QRICH2: variants seen among roughly 807,000 people sequenced by gnomAD.
QRICH2 encodes the protein glutamine-rich protein 2.
A neutral mutation model predicts 168.3 loss-of-function variants in QRICH2; 119 were observed. That is an observed-to-expected ratio of 0.71 (90% confidence interval 0.61 to 0.82). The LOEUF is 0.82. QRICH2 is among the 40% of genes least tolerant of loss of function. QRICH2 has a pLI of 0.00. For synonymous variants in QRICH2, 894 were observed against 951.2 expected (o/e 0.94, Z 1.11); for missense variants, 2,241 against 2,491.6 (o/e 0.90, Z 2.14).
At chr17:76,288,826 C>T (rs540559402) in intron 5 of QRICH2, among the ~76,000 whole-genome samples, 2 of 152,066 alleles carry the variant, frequency 1.3e-5, no homozygotes, top group East Asian at 1.9e-4. Context: ...AGAGCAAGGC[C>T]GGGTGTGGTG....
upstream of QRICH2, chr17:76,308,324 G>A (rs1371961256): frequency 1.4e-5 from 14 of 985,306 alleles, no homozygotes; most frequent in Non-Finnish European, 1.7e-5. Flanking sequence ...GTAACAACAC[G>A]CCTCCCTGCG....
At chr17:76,289,141 C>T (rs935339473) in intron 5 of QRICH2, among the ~76,000 whole-genome samples, 2 of 151,796 alleles carry the variant, frequency 1.3e-5, no homozygotes, top group Non-Finnish European at 2.9e-5. Context: ...AGAGCAAAGC[C>T]CTCATTATTT....
At chr17:76,286,875 CAAA>C (rs574718247) in intron 7 of QRICH2, among the ~76,000 whole-genome samples, 2 of 65,254 alleles carry the variant, frequency 3.1e-5, no homozygotes. Flanking sequence ...AATTCCATCT[CAAA>C]AAAAAAAAAA....
At chr17:76,290,866 A>G in intron 4 of QRICH2, 149 bp downstream of exon 4, 1 of 1,280,158 alleles carries the variant, frequency 7.8e-7, no homozygotes. Flanking sequence ...TGGACTCTGA[A>G]GGCTGTGGGA....
chr17:76,304,599 T>C (rs1598506244), intron 2 of QRICH2, 74 bp from the exon 3 acceptor site: 3 of 1,084,844 alleles, frequency 2.8e-6, no homozygotes, highest in African/African-American at 3.1e-5. Context: ...AGACTTGGTC[T>C]AACAGGATCT....
rs2071002112 is a variant in QRICH2 at position 76,291,972 on chromosome 17, G to A, written c.2755C>T (p.Gln919Ter). The A allele has an allele frequency of 1.2e-6, 2 of 1,614,058 alleles. No homozygotes were observed. Among genetic ancestry groups the A allele is most frequent in the Non-Finnish European group, 1.7e-6 (2 of 1,180,040 alleles). ...TCTGCCTGAGGTTGCACCATACCTT[G>A]CTGACCTATTCCAGGCTGCACCATA... Reference protein sequence around the residue: ...LGMVQPGIGQQGMVQPQADPH... With the variant: ...LGMVQPGIGQ Residue 919 changes from glutamine (Q) to a stop codon, truncating the protein, a stop_gained, in exon 4 of 19, where the codon CAA becomes TAA. Transcript: ENST00000680821. LOFTEE classifies it high-confidence loss of function.
intron 3 of QRICH2, among the ~76,000 whole-genome samples, chr17:76,299,324 G>A (rs1436167667): frequency 6.6e-6 from 1 of 152,074 alleles, no homozygotes; most frequent in Admixed American, 6.5e-5. Flanking sequence ...AGCTTTTGGC[G>A]CCACCAAGTG....
chr17:76,282,212 C>T, intron 7 of QRICH2, 97 bp from the exon 8 acceptor site: 3 of 1,431,836 alleles, frequency 2.1e-6, no homozygotes, highest in Non-Finnish European at 2.8e-6. Context: ...TGCCTCTCCC[C>T]TGTCGTGCCC....
At chr17:76,299,608 G>A (rs1408786025) in intron 3 of QRICH2, among the ~76,000 whole-genome samples, 1 of 151,722 alleles carries the variant, frequency 6.6e-6, no homozygotes, top group Non-Finnish European at 1.5e-5. Flanking sequence ...GTGATGGTGG[G>A]CGCCTGTAAT....
Position 76,281,984 on chromosome 17 carries a change from G to A in QRICH2, c.4143C>T (p.Ala1381=). ...GQIDPEATCP[A]CSLDVSHQVS... is the part of the protein sequence containing the mutation. ...CCTGATGGCTCACATCCAGGCTGCA[G>A]GCTGGACAGGTGGCCTCAGGGTCGA... The change falls in exon 8 of 19, where the codon GCC becomes GCT. Residue 1381 remains alanine (A), a synonymous_variant. Coordinates refer to ENST00000680821, the MANE Select transcript of QRICH2 (RefSeq NM_001388453.1). The surrounding 1 kb of genome is among the most constrained non-coding windows in gnomAD (Gnocchi z 4.4). 1 of 1,613,644 alleles carries A rather than the reference G, an allele frequency of 6.2e-7. No homozygotes were observed. Among genetic ancestry groups the A allele is most frequent in the African/African-American group, 1.3e-5 (1 of 75,060 alleles).
At chr17:76,295,757 G>A (rs1028959042) in intron 3 of QRICH2, among the ~76,000 whole-genome samples, 2 of 152,204 alleles carry the variant, frequency 1.3e-5, no homozygotes, top group Non-Finnish European at 2.9e-5. Flanking sequence ...TACATACAAT[G>A]ATGGGGTCTG....
chr17:76,274,286 C>T, intron 18 of QRICH2, 26 bp from the exon 19 acceptor site: 2 of 1,567,496 alleles, frequency 1.3e-6, no homozygotes, highest in Non-Finnish European at 1.7e-6. Flanking sequence ...GCTGAGGTTG[C>T]TCAACACATT....
rs2070992555 is a variant in QRICH2, at chr17:76,291,546, G to A, written c.3181C>T (p.Pro1061Ser). Reference sequence around the variant, plus strand: ...CCCAAACCTGTACTCAGTGGTATTGGGCTGTGCTGGTCTGTGCCAGGATGC... The same window carrying A: ...CCCAAACCTGTACTCAGTGGTATTGAGCTGTGCTGGTCTGTGCCAGGATGC... ...LMHPGTDQHS[P>S]IPLSTGLGST... The change falls in exon 4 of 19, where the codon CCA (proline) becomes TCA (serine). Residue 1061 changes from proline to serine, a missense_variant. Physicochemically the swap from Pro to Ser is moderately conservative, Grantham distance 74. This residue lies in a region of QRICH2 where 2,047 missense variants were observed against 2,303.8 expected (regional missense o/e 0.89). Transcript: ENST00000680821. 1 of 1,607,474 alleles carries A rather than the reference G, an allele frequency of 6.2e-7. No individual in the cohort carries two copies. The highest frequency in any genetic ancestry group is 1.4e-5 in the African/African-American group (1 of 73,360).
chr17:76,287,406 G>A (rs568847675), intron 6 of QRICH2, 100 bp from the exon 7 acceptor site: 16 of 820,038 alleles, frequency 2.0e-5, no homozygotes, highest in African/African-American at 1.8e-4. Flanking sequence ...CACAGCTGGA[G>A]GTCTCTCACC....
chr17:76,274,309 C>CA, intron 18 of QRICH2, 49 bp from the exon 19 acceptor site: 1 of 1,545,586 alleles, frequency 6.5e-7, no homozygotes, highest in Non-Finnish European at 8.7e-7. Context: ...CCAAGCCCAC[C>CA]AGGGGTCACC....
chr17:76,277,107 GA>G, intron 16 of QRICH2, 55 bp downstream of exon 16: 1 of 1,492,058 alleles, frequency 6.7e-7, no homozygotes, highest in Non-Finnish European at 8.9e-7. Context: ...AATGACTCAG[GA>G]ATCTGGAGCC....
intron 5 of QRICH2, among the ~76,000 whole-genome samples, chr17:76,288,256 C>T (rs999120050): frequency 3.3e-5 from 5 of 151,614 alleles, no homozygotes; most frequent in Admixed American, 1.3e-4. Flanking sequence ...TGGTGGCTGG[C>T]GCCTGTAATC....
chr17:76,285,906 C>T (rs906783838), intron 7 of QRICH2, among the ~76,000 whole-genome samples: 1 of 151,694 alleles, frequency 6.6e-6, no homozygotes, highest in African/African-American at 2.4e-5. Context: ...GGTGCGGTGG[C>T]TCACGCCTAT....
Position 76,291,015 on chromosome 17 carries a change from C to T in QRICH2, c.3712G>A (p.Val1238Ile). The change falls in exon 4 of 19, where the codon GTC becomes ATC. Residue 1238 changes from valine (V) to isoleucine (I), a missense_variant and splice_region_variant. Val to Ile is a conservative substitution (Grantham distance 29). Around this residue, in one of 3 missense-constraint regions of QRICH2, gnomAD observed 2,047 missense variants for 2,303.8 expected, o/e 0.89. Coordinates refer to ENST00000680821, the MANE Select transcript of QRICH2 (RefSeq NM_001388453.1). ...EKIQFLLAQM[V>I]KRTIPPELQE... ...TCCTCTATCGGCAAGCGGCACCCAC[C>T]CATCTGTGCCAGCAGGAACTGGATC... 6.2e-7 allele frequency: 1 copy of T among 1,608,432 alleles called. No individual in the cohort carries two copies. Among genetic ancestry groups the T allele is most frequent in the Non-Finnish European group, 8.5e-7 (1 of 1,175,414 alleles).
Sources: gnomAD v4.1 joint callset for allele counts (sites outside exome capture counted in the v4.1 genomes callset) on GRCh38, gnomAD v4.1.1 for gene constraint, gnomAD v4.1.1 regional missense constraint, Gnocchi (gnomAD v3.1) non-coding constraint, MANE v1.5 for transcripts, NCBI Gene and HGNC (gene_info 2026-07-23, HGNC 2026-07-21) for gene names.